RANBP17: variants seen among roughly 807,000 people sequenced by gnomAD.
RANBP17 encodes the protein ran-binding protein 17.
RANBP17 carries 158 observed loss-of-function variants against 141.2 expected under a neutral mutation model. The observed-to-expected ratio is 1.12, with a 90% CI of 0.98 to 1.28. The LOEUF is 1.28. Among genes scored for constraint, RANBP17 ranks in the 50% most tolerant of loss-of-function variants. RANBP17 has a pLI of 0.00. For synonymous variants in RANBP17, 430 were observed against 450.0 expected (o/e 0.96, Z 0.56); for missense variants, 1,438 against 1,290.7 (o/e 1.11, Z -1.75).
rs1212199345 is a variant in RANBP17, at chr5:170,986,373, C to CGATA, written c.1710+17997_1710+18000dup. On this transcript the variant is annotated intron_variant, in intron 14 of 27. Transcript: ENST00000523189. ...GAATAACTTGAAATTTGCATTAAGCCGATAAGTGCTCCAGTAGTGTAACTA... is the reference window on the plus strand; with the variant it reads ...GAATAACTTGAAATTTGCATTAAGCCGATAGATAAGTGCTCCAGTAGTGTAACTA... Among the ~76,000 whole-genome samples, 10 of 151,782 alleles carry CGATA rather than the reference C, an allele frequency of 6.6e-5. No individual in the cohort carries two copies. In the East Asian group the frequency reaches 1.9e-3, roughly 29 times the overall value.
intron 14 of RANBP17, among the ~76,000 whole-genome samples, chr5:171,137,367 TGGTGG>T (rs1757355114): frequency 6.6e-6 from 1 of 152,138 alleles, no homozygotes; most frequent in South Asian, 2.1e-4. Flanking sequence ...ATAGACTGCA[TGGTGG>T]GGTAAATAGA....
intron 14 of RANBP17, among the ~76,000 whole-genome samples, chr5:171,058,593 G>A (rs9763246): frequency 0.026 from 3,928 of 150,918 alleles, 156 homozygotes; most frequent in African/African-American, 0.09. Context: ...CCAAGTCTTT[G>A]CTATTTTGAA....
rs533028597 is a variant in RANBP17 at position 171,060,328 on chromosome 5, A to T, written c.1710+91951A>T. ...GTCATAGATAGCTCTTATTATTTTG[A>T]GATACGTCCCATCAATACCTAATTT... On this transcript the variant is annotated intron_variant, in intron 14 of 27. Transcript: ENST00000523189. Among the ~76,000 whole-genome samples, 368 of 150,098 alleles carry T rather than the reference A, an allele frequency of 2.5e-3. 1 individual carries two copies. Among genetic ancestry groups the T allele is most frequent in the African/African-American group, 8.3e-3 (339 of 40,918 alleles).
chr5:170,915,757 C>A (rs767708735), intron 8 of RANBP17, among the ~76,000 whole-genome samples: 2 of 152,008 alleles, frequency 1.3e-5, no homozygotes, highest in East Asian at 1.9e-4. Flanking sequence ...CCCTGCCCCC[C>A]CCAACAGGAT....
chr5:171,289,882 T>C (rs139265510), intron 25 of RANBP17, among the ~76,000 whole-genome samples: 13,277 of 151,094 alleles, frequency 0.088, 795 homozygotes, highest in East Asian at 0.2. Context: ...ATACAAAAAT[T>C]AGCCAGGTGT....
intron 13 of RANBP17, among the ~76,000 whole-genome samples, chr5:170,957,486 G>A (rs1036699008): frequency 6.6e-6 from 1 of 152,142 alleles, no homozygotes; most frequent in African/African-American, 2.4e-5. Context: ...TGGTGCTTTT[G>A]TGGTCATTTG....
At chr5:170,988,894 T>C (rs1778330257) in intron 14 of RANBP17, among the ~76,000 whole-genome samples, 1 of 151,782 alleles carries the variant, frequency 6.6e-6, no homozygotes, top group African/African-American at 2.4e-5. Context: ...AATGCACCTA[T>C]AGTCCTAGCT....
intron 22 of RANBP17, among the ~76,000 whole-genome samples, chr5:171,234,997 C>A (rs1345001512): frequency 6.6e-6 from 1 of 152,156 alleles, no homozygotes; most frequent in Non-Finnish European, 1.5e-5. Flanking sequence ...TAGGTTTGAG[C>A]TCTGGTGCAC....
At chr5:171,097,614 A>T (rs979712570) in intron 14 of RANBP17, among the ~76,000 whole-genome samples, 2 of 121,480 alleles carry the variant, frequency 1.6e-5, no homozygotes, top group Admixed American at 1.7e-4. Context: ...TCTTTTTATT[A>T]TTATTATTAT....
chr5:171,051,088 T>C (rs1226785307), intron 14 of RANBP17, among the ~76,000 whole-genome samples: 1 of 152,204 alleles, frequency 6.6e-6, no homozygotes, highest in Non-Finnish European at 1.5e-5. Context: ...GCTGTTTTTC[T>C]TGGGCTGCTT....
chr5:170,939,418 C>T (rs946388597), intron 12 of RANBP17, among the ~76,000 whole-genome samples: 3 of 150,112 alleles, frequency 2.0e-5, no homozygotes, highest in African/African-American at 7.4e-5. Context: ...GCAGTCTTGC[C>T]CTGTCAACCA....
At chr5:171,050,488 G>T (rs1782885042) in intron 14 of RANBP17, among the ~76,000 whole-genome samples, 1 of 152,094 alleles carries the variant, frequency 6.6e-6, no homozygotes, top group African/African-American at 2.4e-5. Context: ...TTGGAGACCA[G>T]TGCGGGCAGA....
intron 14 of RANBP17, among the ~76,000 whole-genome samples, chr5:171,160,313 T>C (rs1173889912): frequency 6.6e-6 from 1 of 152,160 alleles, no homozygotes; most frequent in African/African-American, 2.4e-5. Context: ...CTCTAACTAC[T>C]ACTAAAGCTA....
intron 18 of RANBP17, among the ~76,000 whole-genome samples, chr5:171,184,422 C>CT (rs1338025739): frequency 6.6e-6 from 1 of 152,098 alleles, no homozygotes; most frequent in Non-Finnish European, 1.5e-5. Flanking sequence ...TATGTGAAAT[C>CT]TAAAAAAGTT....
chr5:171,190,888 A>G (rs772323056), intron 18 of RANBP17, among the ~76,000 whole-genome samples: 1 of 152,142 alleles, frequency 6.6e-6, no homozygotes, highest in Non-Finnish European at 1.5e-5. Flanking sequence ...AGTGTCACCA[A>G]TGGTTGATTT....
intron 25 of RANBP17, among the ~76,000 whole-genome samples, chr5:171,276,216 A>G (rs975074055): frequency 1.3e-5 from 2 of 152,178 alleles, no homozygotes; most frequent in African/African-American, 4.8e-5. Context: ...TTAGATAACT[A>G]TTGCTGTGAA....
chr5:171,186,534 T>TTTTTTTC (rs1761256123), intron 18 of RANBP17, among the ~76,000 whole-genome samples: 1 of 80,408 alleles, frequency 1.2e-5, no homozygotes, highest in Admixed American at 1.4e-4. Flanking sequence ...TTCTTTTTTT[T>TTTTTTTC]TTTTTTTTTT....
chr5:171,029,383 G>T (rs940613795), intron 14 of RANBP17, among the ~76,000 whole-genome samples: 2 of 152,032 alleles, frequency 1.3e-5, no homozygotes, highest in Non-Finnish European at 2.9e-5. Flanking sequence ...CTTAAAATCA[G>T]CCTAGAATAT....
intron 14 of RANBP17, among the ~76,000 whole-genome samples, chr5:170,982,376 C>G (rs1469827692): frequency 6.6e-6 from 1 of 152,014 alleles, no homozygotes; most frequent in African/African-American, 2.4e-5. Flanking sequence ...TAGCTAGCCT[C>G]TTGAAGAAAA....
Sources: gnomAD v4.1 joint callset for allele counts (sites outside exome capture counted in the v4.1 genomes callset) on GRCh38, gnomAD v4.1.1 for gene constraint, MANE v1.5 for transcripts, NCBI Gene and HGNC (gene_info 2026-07-23, HGNC 2026-07-21) for gene names.